CDH8: variants seen among roughly 807,000 people sequenced by gnomAD.
CDH8 encodes cadherin-8.
CDH8 carries 17 observed loss-of-function variants against 68.1 expected under a neutral mutation model. The observed-to-expected ratio is 0.25, with a 90% confidence interval of 0.17 to 0.37. The LOEUF (loss-of-function observed/expected upper bound fraction) is 0.37. Among genes scored for constraint, CDH8 ranks in the 10% least tolerant of loss-of-function variants. The probability of loss-of-function intolerance (pLI) is 1.00; values close to 1 mark genes in which losing one functional copy is unlikely to be tolerated. For missense variants in CDH8, 763 were observed against 999.3 expected (o/e 0.76, Z 3.19); for synonymous variants, 372 against 365.1 (o/e 1.02, Z -0.21).
chr16:61,714,672 AGTT>A (rs1014554278), intron 9 of CDH8, among the ~76,000 whole-genome samples: 1 of 151,570 alleles, frequency 6.6e-6, no homozygotes, highest in African/African-American at 2.4e-5. Context: ...TTAATGCTAA[AGTT>A]GTTTCTTGGG....
chr16:61,905,849 C>T lies in CDH8; in HGVS notation c.253-4376G>A, dbSNP rs571838597. 4.0e-5 allele frequency among the ~76,000 whole-genome samples: 6 copies of T among 151,550 alleles called. No individual in the cohort carries two copies. In the East Asian group the frequency reaches 7.8e-4, roughly 20 times the overall value. On this transcript the variant is annotated intron_variant, in intron 2 of 11. Coordinates refer to ENST00000577390, the MANE Select transcript of CDH8 (RefSeq NM_001796.5). The stretch of plus-strand genomic sequence containing the variant: ...GGTGGAGGTTGCAGTGAGCCAAGAT[C>T]GTACCATTCCACTCCAGCCTGGGCG...
intron 7 of CDH8, among the ~76,000 whole-genome samples, chr16:61,792,595 C>G (rs1961404498): frequency 6.6e-6 from 1 of 151,846 alleles, no homozygotes; most frequent in Non-Finnish European, 1.5e-5. Flanking sequence ...TAATGAATAA[C>G]AGAAAAATAA....
intron 4 of CDH8, among the ~76,000 whole-genome samples, chr16:61,837,117 T>A (rs2143006697): frequency 6.6e-6 from 1 of 151,966 alleles, no homozygotes; most frequent in Admixed American, 6.6e-5. Flanking sequence ...CTCACATTTA[T>A]CTCTGAAAAT....
intron 4 of CDH8, among the ~76,000 whole-genome samples, chr16:61,839,990 C>T (rs1962648372): frequency 6.6e-6 from 1 of 152,158 alleles, no homozygotes; most frequent in African/African-American, 2.4e-5. Context: ...GCCTGCCCCT[C>T]TTTGTCAAAA....
In CDH8 at chr16:61,782,339, G is replaced by T. The variant is rs536875823; in HGVS notation, c.1414+7007C>A. On this transcript the variant is annotated intron_variant, in intron 8 of 11. Transcript: ENST00000577390. ...AAGAAAGGGGTGACGGACGCACCTGGAAAATCGGGTCACTCCAACCCGAAT... is the reference window on the plus strand; with the variant it reads ...AAGAAAGGGGTGACGGACGCACCTGTAAAATCGGGTCACTCCAACCCGAAT... 3.5e-3 allele frequency among the ~76,000 whole-genome samples: 526 copies of T among 152,306 alleles called. 5 individuals are homozygous for T. Among genetic ancestry groups the T allele is most frequent in the African/African-American group, 0.012 (505 of 41,578 alleles).
intron 2 of CDH8, among the ~76,000 whole-genome samples, chr16:61,951,442 G>A (rs1373453557): frequency 2.7e-5 from 4 of 149,798 alleles, no homozygotes; most frequent in South Asian, 2.1e-4. Context: ...GAACCTGGGA[G>A]GCAGAGCTTG....
rs745496735 is a variant in CDH8, at chr16:62,036,062, G to C, written c.-200+18C>G. On this transcript the variant is annotated intron_variant, in intron 1 of 11. Coordinates refer to ENST00000577390, the MANE Select transcript of CDH8 (RefSeq NM_001796.5). Reference sequence around the variant, plus strand: ...CGGAACATAGAGGAAAACGGGGGTGGGTTAGGGGAACACTTACTCTTGTGG... The same window carrying C: ...CGGAACATAGAGGAAAACGGGGGTGCGTTAGGGGAACACTTACTCTTGTGG... 4 of 152,268 alleles carry C rather than the reference G, an allele frequency of 2.6e-5. No homozygotes were observed. Among genetic ancestry groups the C allele is most frequent in the Non-Finnish European group, 5.9e-5 (4 of 68,104 alleles). The allele number at this position is 152,268 out of a possible 1,614,324, so 9.4% of individuals were successfully genotyped here.
At chr16:61,930,621 A>G (rs1051262104) in intron 2 of CDH8, among the ~76,000 whole-genome samples, 3 of 152,200 alleles carry the variant, frequency 2.0e-5, no homozygotes, top group African/African-American at 7.2e-5. Context: ...CTTAGGAGAC[A>G]CTTGCTTTGG....
Position 61,652,393 on chromosome 16 carries a change from TTAAA to T in CDH8, c.*1211_*1214del, listed in dbSNP as rs1367013088. The T allele has an allele frequency of 5.1e-6, 5 of 984,984 alleles. No homozygotes were observed. In the African/African-American group the frequency reaches 8.7e-5, roughly 17 times the overall value. The allele number at this position is 984,984 out of a possible 1,614,324, so 61.0% of individuals were successfully genotyped here. A position where few individuals can be genotyped will look rare whatever the true frequency, so the allele number is the denominator to read the frequency against. On this transcript the variant is annotated 3_prime_UTR_variant, in exon 12 of 12. Coordinates refer to ENST00000577390, the MANE Select transcript of CDH8 (RefSeq NM_001796.5). ...ATGTAGGTATCTAAAAGTCTAGAGT[TTAAA>T]TATTCACAGGAATCAATATACTTTA...
Position 61,651,248 on chromosome 16 carries a change from A to T in CDH8, c.*2360T>A, listed in dbSNP as rs575405058. The T allele has an allele frequency of 6.6e-6, 1 of 152,238 alleles. No homozygotes were observed. Among genetic ancestry groups the T allele is most frequent in the African/African-American group, 2.4e-5 (1 of 41,540 alleles). The allele number at this position is 152,238 out of a possible 1,614,324, so 9.4% of individuals were successfully genotyped here. On this transcript the variant is annotated 3_prime_UTR_variant, in exon 12 of 12. Coordinates refer to ENST00000577390, the MANE Select transcript of CDH8 (RefSeq NM_001796.5). ...TTGGTTATTACTGCAACTACTACTA[A>T]TAATTTACATTCACCAAGCACTTGT... is the stretch of plus-strand genomic sequence containing the variant.
At chr16:61,795,316 G>A (rs1202290109) in intron 7 of CDH8, among the ~76,000 whole-genome samples, 1 of 152,002 alleles carries the variant, frequency 6.6e-6, no homozygotes. Flanking sequence ...AAGCCACTTT[G>A]TTTTCCTGTG....
At chr16:61,910,490 T>G (rs1010480721) in intron 2 of CDH8, among the ~76,000 whole-genome samples, 1 of 152,136 alleles carries the variant, frequency 6.6e-6, no homozygotes, top group African/African-American at 2.4e-5. Flanking sequence ...GTTCAGACTG[T>G]GGGATCTAGA....
chr16:61,848,191 G>A (rs930190912), intron 4 of CDH8, among the ~76,000 whole-genome samples: 7 of 152,098 alleles, frequency 4.6e-5, no homozygotes, highest in Admixed American at 3.9e-4. Context: ...CCTACCTGGT[G>A]TGTTCACATT....
chr16:62,020,925 C>T (rs1251428933), intron 2 of CDH8, among the ~76,000 whole-genome samples: 2 of 151,994 alleles, frequency 1.3e-5, no homozygotes, highest in East Asian at 1.9e-4. Context: ...TTGTATTTTA[C>T]TGATAGCCGG....
chr16:62,015,011 C>G (rs940486699), intron 2 of CDH8, among the ~76,000 whole-genome samples: 9 of 151,812 alleles, frequency 5.9e-5, no homozygotes, highest in African/African-American at 9.7e-5. Flanking sequence ...TATACCCCCC[C>G]ACCACAAACA....
chr16:61,735,264 C>T (rs1959645917), intron 8 of CDH8, among the ~76,000 whole-genome samples: 1 of 151,956 alleles, frequency 6.6e-6, no homozygotes, highest in Non-Finnish European at 1.5e-5. Context: ...TTTTTGAAGG[C>T]CACTATTCAG....
chr16:61,721,187 T>A (rs1959214329), intron 9 of CDH8, among the ~76,000 whole-genome samples: 1 of 150,920 alleles, frequency 6.6e-6, no homozygotes, highest in South Asian at 2.1e-4. Flanking sequence ...ATGACTCTCT[T>A]GAAATGTGTT....
chr16:61,754,278 G>A (rs1960253175), intron 8 of CDH8, among the ~76,000 whole-genome samples: 1 of 152,084 alleles, frequency 6.6e-6, no homozygotes, highest in South Asian at 2.1e-4. Context: ...TAAAATCAAA[G>A]CCATACATTA....
At chr16:61,832,014 TG>T (rs936303159) in intron 4 of CDH8, among the ~76,000 whole-genome samples, 3 of 151,572 alleles carry the variant, frequency 2.0e-5, no homozygotes, top group African/African-American at 4.8e-5. Context: ...CTTCTATAAG[TG>T]GGGGGGTCAT....
Sources: allele counts gnomAD v4.1 joint callset (sites outside exome capture counted in the v4.1 genomes callset), GRCh38; gene constraint gnomAD v4.1.1; transcripts MANE v1.5; gene names NCBI Gene and HGNC (gene_info 2026-07-23, HGNC 2026-07-21).